The following GLS2 variants were observed in gnomAD, a reference collection of about 807,000 sequenced individuals.
GLS2 encodes the protein glutaminase 2.
GLS2 carries 52 observed loss-of-function variants against 79.0 expected under a neutral mutation model. The ratio of observed to expected loss-of-function variants is 0.66; its 90% CI spans 0.53 to 0.83. GLS2 has a LOEUF of 0.83. GLS2 is among the 40% of genes least tolerant of loss of function. The pLI is 0.00. For synonymous variants in GLS2, 238 were observed against 280.8 expected (o/e 0.85, Z 1.52); for missense variants, 561 against 764.8 (o/e 0.73, Z 3.14).
chr12:56,471,892 C>T, intron 16 of GLS2, 56 bp from the exon 17 acceptor site: 5 of 1,561,432 alleles, frequency 3.2e-6, no homozygotes, highest in Non-Finnish European at 4.4e-6. Context: ...CCCTTTGGTG[C>T]AGACACTTAG....
chr12:56,487,875 T>A (rs954002939), intron 1 of GLS2, 62 bp downstream of exon 1: 1 of 1,534,542 alleles, frequency 6.5e-7, no homozygotes. Flanking sequence ...ACTCGGGAAC[T>A]AGCGAGAACC....
chr12:56,472,769 C>T lies in GLS2; in HGVS notation c.1450-18G>A, dbSNP rs1412505061. 3 of 1,612,692 alleles carry T rather than the reference C, an allele frequency of 1.9e-6. No homozygotes were observed. The highest frequency in any genetic ancestry group is 2.5e-6 in the Non-Finnish European group (3 of 1,178,928). The stretch of plus-strand genomic sequence containing the variant: ...GTCTTGTTCTGGAACACAAATCATA[C>T]CCACATGACATTAATTGAACTCACC... On this transcript the variant is annotated intron_variant, in intron 14 of 17. Transcript: ENST00000311966.
Position 56,471,152 on chromosome 12 carries a change from ATCTC to A in GLS2, c.*331_*334del. ...GTAGCTAGAGTCCCTCCACCAGAGT[ATCTC>A]TCTCATGATGGTTTCTTCAGGGAGA... is the stretch of plus-strand genomic sequence containing the variant. On this transcript the variant is annotated 3_prime_UTR_variant, in exon 18 of 18. Coordinates refer to ENST00000311966, the MANE Select transcript of GLS2 (RefSeq NM_013267.4). 2.4e-6 allele frequency: 1 copy of A among 420,360 alleles called. No homozygotes were observed. Among genetic ancestry groups the A allele is most frequent in the African/African-American group, 2.0e-5 (1 of 49,290 alleles). The allele number at this position is 420,360 out of a possible 1,614,324, so 26.0% of individuals were successfully genotyped here.
At chr12:56,474,330 C>G (rs1218290311) in intron 12 of GLS2, 9 of 575,294 alleles carry the variant, frequency 1.6e-5, no homozygotes, top group Non-Finnish European at 2.1e-5. Context: ...CTCAGGTGAT[C>G]CACCTGCCTC....
intron 2 of GLS2, 84 bp from the exon 3 acceptor site, chr12:56,479,985 T>A (rs1870156755): frequency 6.5e-7 from 1 of 1,528,582 alleles, no homozygotes; most frequent in Admixed American, 1.9e-5. Flanking sequence ...GATACCCAAT[T>A]AGCTGAACCC....
At chr12:56,485,484 C>T (rs150207916) in intron 1 of GLS2, among the ~76,000 whole-genome samples, 2,283 of 151,252 alleles carry the variant, frequency 0.015, 18 homozygotes, top group Middle Eastern at 0.031. Context: ...AAGCTGGTTT[C>T]GAACTCCTGA....
intron 1 of GLS2, 110 bp from the exon 2 acceptor site, chr12:56,480,497 C>T (rs776594251): frequency 2.6e-6 from 2 of 775,886 alleles, no homozygotes; most frequent in South Asian, 1.4e-5. Flanking sequence ...TCTATGCCTC[C>T]TCCTTAAGCC....
chr12:56,471,968 C>G, intron 16 of GLS2, 132 bp from the exon 17 acceptor site: 1 of 1,261,548 alleles, frequency 7.9e-7, no homozygotes, highest in Admixed American at 1.8e-5. Context: ...CTGCAGCACT[C>G]AGTCATAGTC....
At chr12:56,483,423 T>C (rs984563563) in intron 1 of GLS2, among the ~76,000 whole-genome samples, 2 of 152,038 alleles carry the variant, frequency 1.3e-5, no homozygotes, top group Admixed American at 1.3e-4. Flanking sequence ...CAACTTGATG[T>C]GCAACAATAG....
At chr12:56,482,485 G>T (rs1362453049) in intron 1 of GLS2, among the ~76,000 whole-genome samples, 2 of 152,154 alleles carry the variant, frequency 1.3e-5, no homozygotes, top group African/African-American at 2.4e-5. Context: ...TCCAGATATT[G>T]CTTATGCTGC....
At chr12:56,478,575 G>T (rs546551551) in intron 4 of GLS2, 1 of 340,350 alleles carries the variant, frequency 2.9e-6, no homozygotes, top group South Asian at 3.5e-5. Flanking sequence ...GGCTCTATTC[G>T]ATCTTGATTC....
In GLS2 at chr12:56,488,104, C is replaced by T. The variant is rs1870842610; in HGVS notation, c.15G>A (p.Lys5=). The T allele has an allele frequency of 6.4e-7, 1 of 1,553,282 alleles. No homozygotes were observed. Among genetic ancestry groups the T allele is most frequent in the Non-Finnish European group, 8.6e-7 (1 of 1,156,432 alleles). The change falls in exon 1 of 18, where the codon AAG becomes AAA. Residue 5 remains lysine, a synonymous_variant. Coordinates refer to ENST00000311966, the MANE Select transcript of GLS2 (RefSeq NM_013267.4). The stretch of plus-strand genomic sequence containing the variant: ...CCCGGCTCAGGGCCTTCTGCAGAGC[C>T]TTCATGGAGCGCATGCCCCAGCAAG... MRSM[K]ALQKALSRAG...
At chr12:56,477,374 G>A (rs976260012) in intron 7 of GLS2, 27 of 284,216 alleles carry the variant, frequency 9.5e-5, no homozygotes, top group Non-Finnish European at 1.8e-4. Context: ...CCTAGGCAGG[G>A]GTCAGGACCT....
At position 56,471,469 on chromosome 12, in the gene GLS2, G is replaced by GCTGT; in HGVS notation, c.*14_*17dup. Reference sequence around the variant, plus strand: ...AGCTCATGCTTTTTCTTGAGCAGGGGCTGTCCATGACCTGTGCTCATACCA... The same window carrying GCTGT: ...AGCTCATGCTTTTTCTTGAGCAGGGGCTGTCTGTCCATGACCTGTGCTCATACCA... On this transcript the variant is annotated 3_prime_UTR_variant, in exon 18 of 18. Transcript: ENST00000311966. 1.3e-6 allele frequency: 2 copies of GCTGT among 1,597,412 alleles called. No individual in the cohort carries two copies. Among genetic ancestry groups the GCTGT allele is most frequent in the African/African-American group, 2.7e-5 (2 of 74,518 alleles).
At position 56,473,288 on chromosome 12, in the gene GLS2, A is replaced by G; in HGVS notation, c.1389T>C (p.Tyr463=). The G allele has an allele frequency of 6.2e-7, 1 of 1,614,152 alleles. No homozygotes were observed. Among genetic ancestry groups the G allele is most frequent in the Non-Finnish European group, 8.5e-7 (1 of 1,180,024 alleles). ...KLVSLFNFHN[Y]DNLRHCARKL... ...TCCGAGCACAGTGCCTCAGGTTGTC[A>G]TAGTTGTGGAAATTGAAGAGAGACA... The change falls in exon 14 of 18, where the codon TAT becomes TAC. Residue 463 remains tyrosine (Y), a synonymous_variant. Transcript: ENST00000311966.
intron 7 of GLS2, chr12:56,476,266 G>A (rs950027266): frequency 3.5e-5 from 13 of 375,634 alleles, no homozygotes; most frequent in Non-Finnish European, 5.4e-5. Flanking sequence ...AGGCTCAAGC[G>A]ATCCTCCCAC....
chr12:56,482,028 C>T (rs747879769), intron 1 of GLS2, among the ~76,000 whole-genome samples: 2 of 152,006 alleles, frequency 1.3e-5, no homozygotes, highest in South Asian at 2.1e-4. Context: ...GTCAGGAGTT[C>T]GAGACCAGAC....
intron 4 of GLS2, 158 bp from the exon 5 acceptor site, chr12:56,478,420 C>A: frequency 1.5e-6 from 1 of 688,140 alleles, no homozygotes. Flanking sequence ...AATGCCCGAG[C>A]CTTAAGTCCT....
Position 56,477,709 on chromosome 12 carries a change from T to C in GLS2, c.788A>G (p.His263Arg). ...KLSLNEEGIP[H>R]NPMVNAGAIV... is the part of the protein sequence containing the mutation. ...GGCACCAGCATTGACCATGGGGTTA[T>C]GGGGGATTCCTGGGGAAATACAAAC... Residue 263 changes from histidine (H) to arginine (R), a missense_variant, in exon 7 of 18, where the codon CAT (histidine) becomes CGT (arginine). Transcript: ENST00000311966. The C allele has an allele frequency of 6.2e-7, 1 of 1,612,798 alleles. No individual in the cohort carries two copies. The highest frequency in any genetic ancestry group is 8.5e-7 in the Non-Finnish European group (1 of 1,179,418).
Sources: allele counts gnomAD v4.1 joint callset (sites outside exome capture counted in the v4.1 genomes callset), GRCh38; gene constraint gnomAD v4.1.1; transcripts MANE v1.5; gene names NCBI Gene and HGNC (gene_info 2026-07-23, HGNC 2026-07-21).